VPS13C: variants seen among roughly 807,000 people sequenced by gnomAD.
VPS13C encodes the protein vacuolar protein sorting 13 homolog C.
Under a neutral mutation model 456.8 loss-of-function variants are expected in VPS13C, and 358 were observed. The ratio of observed to expected loss-of-function variants is 0.78; its 90% CI spans 0.72 to 0.86. The LOEUF is 0.86. VPS13C is among the 40% of genes least tolerant of loss of function. The pLI, the probability that VPS13C is intolerant of heterozygous loss-of-function variation, is 0.00. For missense variants in VPS13C, 4,818 were observed against 4,385.4 expected (o/e 1.10, Z -2.79); for synonymous variants, 1,578 against 1,486.7 (o/e 1.06, Z -1.41).
chr15:61,985,114 C>T, intron 18 of VPS13C, 115 bp from the exon 19 acceptor site: 2 of 784,180 alleles, frequency 2.6e-6, no homozygotes, highest in African/African-American at 1.8e-5. Flanking sequence ...TACAGCATGG[C>T]AGGTTCTGGC....
At chr15:61,904,434 C>G (rs934789179) in intron 66 of VPS13C, among the ~76,000 whole-genome samples, 1 of 147,470 alleles carries the variant, frequency 6.8e-6, no homozygotes, top group African/African-American at 2.5e-5. Flanking sequence ...AAATACAAGT[C>G]AAAACCACAA....
At chr15:62,004,677 T>C (rs1281022852) in intron 15 of VPS13C, among the ~76,000 whole-genome samples, 4 of 151,872 alleles carry the variant, frequency 2.6e-5, no homozygotes, top group Admixed American at 1.3e-4. Flanking sequence ...AATTTCCCTC[T>C]ACACACTGCT....
intron 1 of VPS13C, among the ~76,000 whole-genome samples, chr15:62,052,889 T>C (rs973506758): frequency 1.3e-5 from 2 of 152,078 alleles, no homozygotes; most frequent in East Asian, 1.9e-4. Context: ...CAAAGGAAGG[T>C]AGAAAGCTGC....
At chr15:61,940,157 T>C (rs1034211632) in intron 47 of VPS13C, among the ~76,000 whole-genome samples, 1 of 152,132 alleles carries the variant, frequency 6.6e-6, no homozygotes, top group Admixed American at 6.6e-5. Context: ...CAAAATGATA[T>C]CACCTTTCTA....
At chr15:61,880,451 C>T (rs1023183506) in intron 73 of VPS13C, among the ~76,000 whole-genome samples, 158 bp downstream of exon 73, 6 of 152,066 alleles carry the variant, frequency 3.9e-5, no homozygotes, top group African/African-American at 1.4e-4. Context: ...TGTGGCTGCA[C>T]ATATGCTACA....
In VPS13C at chr15:61,881,807, C is replaced by A. The variant is rs145353729; in HGVS notation, c.9646G>T (p.Ala3216Ser). ...GGATGAAATACAACAGGGAACATTGCACCTGGTAACTGATTATCAACCTGA... is the reference window on the plus strand; with the variant it reads ...GGATGAAATACAACAGGGAACATTGAACCTGGTAACTGATTATCAACCTGA... ...WLQVDNQLPGAMFPVVFHPVA... is the reference protein window; with the variant it reads ...WLQVDNQLPGSMFPVVFHPVA... Residue 3216 changes from alanine (A) to serine (S), a missense_variant, in exon 70 of 85, where the codon GCA becomes TCA. Ala to Ser is a moderately conservative substitution (Grantham distance 99). Transcript: ENST00000644861. The A allele has an allele frequency of 4.6e-5, 73 of 1,596,302 alleles. No individual in the cohort carries two copies. In the African/African-American group the frequency reaches 8.7e-4, roughly 19 times the overall value.
chr15:61,913,966 C>CA (rs2043382699), intron 61 of VPS13C, among the ~76,000 whole-genome samples: 3 of 151,854 alleles, frequency 2.0e-5, no homozygotes, highest in Admixed American at 1.3e-4. Context: ...ATACAAGAGG[C>CA]AAAAAATGCT....
intron 55 of VPS13C, among the ~76,000 whole-genome samples, chr15:61,921,387 T>G (rs1596333285): frequency 6.6e-6 from 1 of 152,184 alleles, no homozygotes; most frequent in East Asian, 1.9e-4. Context: ...CTTCAGTATC[T>G]AGGTTTCTGA....
intron 2 of VPS13C, 144 bp from the exon 3 acceptor site, chr15:62,041,510 G>C: frequency 1.3e-6 from 1 of 753,400 alleles, no homozygotes; most frequent in Non-Finnish European, 2.1e-6. Context: ...TAAAGGACAT[G>C]TTTTATAGCC....
At position 61,876,959 on chromosome 15, in the gene VPS13C, T is replaced by C; in HGVS notation, c.10224+14A>G. The C allele has an allele frequency of 6.3e-7, 1 of 1,576,022 alleles. No homozygotes were observed. The highest frequency in any genetic ancestry group is 8.7e-7 in the Non-Finnish European group (1 of 1,151,834). On this transcript the variant is annotated intron_variant, in intron 75 of 84. Coordinates refer to ENST00000644861, the MANE Select transcript of VPS13C (RefSeq NM_020821.3). Reference sequence around the variant, plus strand: ...GAAGTATATTCCTTATGAAATACTATGATAGGAAATTACCTGTTCACTGTA... The same window carrying C: ...GAAGTATATTCCTTATGAAATACTACGATAGGAAATTACCTGTTCACTGTA...
At chr15:61,929,092 A>G (rs2043966894) in intron 51 of VPS13C, among the ~76,000 whole-genome samples, 1 of 152,222 alleles carries the variant, frequency 6.6e-6, no homozygotes, top group Admixed American at 6.5e-5. Flanking sequence ...TTAAAGCGAC[A>G]TCCAGGGAAG....
chr15:61,871,419 T>C (rs2140876394), intron 79 of VPS13C, among the ~76,000 whole-genome samples: 1 of 152,288 alleles, frequency 6.6e-6, no homozygotes, highest in Admixed American at 6.5e-5. Context: ...AGTCTATTTC[T>C]GACTCCTTCT....
At chr15:61,899,846 C>G (rs372650537) in intron 66 of VPS13C, among the ~76,000 whole-genome samples, 1 of 151,404 alleles carries the variant, frequency 6.6e-6, no homozygotes, top group East Asian at 1.9e-4. Context: ...TGATGAACAT[C>G]GATGCAAAAA....
Position 61,947,234 on chromosome 15 carries a change from A to G in VPS13C, c.4835T>C (p.Val1612Ala), listed in dbSNP as rs1160515237. 1.0e-5 allele frequency: 16 copies of G among 1,607,622 alleles called. No individual in the cohort carries two copies. The highest frequency in any genetic ancestry group is 1.4e-5 in the Non-Finnish European group (16 of 1,178,048). ...TAELNAFNVF[V>A]CDQKCNIADI... is the part of the protein sequence containing the mutation. ...TGCAATGTTACACTTCTGATCACAG[A>G]CAAAGACATTAAATGCATTTAATTC... Residue 1612 changes from valine (V) to alanine (A), a missense_variant, in exon 43 of 85, where the codon GTC becomes GCC. Physicochemically the swap from Val to Ala is moderately conservative, Grantham distance 64 (BLOSUM62 0). Coordinates refer to ENST00000644861, the MANE Select transcript of VPS13C (RefSeq NM_020821.3).
chr15:61,963,070 G>A (rs1596389669), intron 32 of VPS13C, among the ~76,000 whole-genome samples: 1 of 152,024 alleles, frequency 6.6e-6, no homozygotes, highest in Non-Finnish European at 1.5e-5. Context: ...TCAATCAGGG[G>A]AAGAAATACA....
intron 82 of VPS13C, chr15:61,856,648 G>T: frequency 3.6e-5 from 9 of 252,010 alleles, no homozygotes; most frequent in Non-Finnish European, 5.9e-5. Flanking sequence ...CAATCTTGCA[G>T]AATTCAGAAA....
Position 61,982,600 on chromosome 15 carries a change from C to T in VPS13C, c.1915-27G>A, listed in dbSNP as rs760556233. 11 of 1,499,578 alleles carry T rather than the reference C, an allele frequency of 7.3e-6. No homozygotes were observed. The Admixed American group carries it at 1.9e-4, about 26-fold the overall frequency. 92.9% of individuals were successfully genotyped at this position (1,499,578 alleles called of 1,614,324 possible). A position where few individuals can be genotyped will look rare whatever the true frequency, so the allele number is the denominator to read the frequency against. ...TATAAGAAAATTTTTTTAACATAACCAAGTTACACATGGTTCTTTCCATAT... is the reference window on the plus strand; with the variant it reads ...TATAAGAAAATTTTTTTAACATAACTAAGTTACACATGGTTCTTTCCATAT... On this transcript the variant is annotated intron_variant, in intron 20 of 84. Transcript: ENST00000644861.
At chr15:62,026,857 T>C (rs954303635) in intron 6 of VPS13C, among the ~76,000 whole-genome samples, 13 of 152,112 alleles carry the variant, frequency 8.5e-5, no homozygotes, top group Non-Finnish European at 4.4e-5. Context: ...TCATTTTGCT[T>C]ACTGTGAGTG....
intron 5 of VPS13C, among the ~76,000 whole-genome samples, 190 bp from the exon 6 acceptor site, chr15:62,028,610 T>A (rs1351023963): frequency 6.6e-6 from 1 of 152,114 alleles, no homozygotes; most frequent in Non-Finnish European, 1.5e-5. Flanking sequence ...TTTCGTTCTT[T>A]CAACACACAA....
Sources: allele counts gnomAD v4.1 joint callset (sites outside exome capture counted in the v4.1 genomes callset), GRCh38; gene constraint gnomAD v4.1.1; transcripts MANE v1.5; gene names NCBI Gene and HGNC (gene_info 2026-07-23, HGNC 2026-07-21).